The following NRXN3 variants were observed in gnomAD, a reference collection of about 807,000 sequenced individuals.
The protein encoded by NRXN3 is neurexin 3, also known as neurexin III.
Under a neutral mutation model 137.6 loss-of-function variants are expected in NRXN3, and 32 were observed. That is an observed-to-expected ratio of 0.23 (90% CI 0.18 to 0.31). The LOEUF is 0.31. Ranked by LOEUF, NRXN3 falls within the 10% of genes least tolerant of loss-of-function variation. The pLI is 1.00. For synonymous variants in NRXN3, 798 were observed against 784.5 expected, an observed-to-expected ratio of 1.02 and a Z score of -0.29; for missense variants, 1,574 against 2,062.5, an observed-to-expected ratio of 0.76 and a Z score of 4.59.
In NRXN3 at chr14:79,273,618, A is replaced by T. The variant is rs545827878; in HGVS notation, c.3263-193603A>T. The stretch of plus-strand genomic sequence containing the variant: ...CACTGCACTCCAGCCTGGGTGACAG[A>T]GTGAGACTCCGTCTCAAAATAAATA... On this transcript the variant is annotated intron_variant, in intron 15 of 20. Transcript: ENST00000335750. Among the ~76,000 whole-genome samples, 4 of 152,334 alleles carry T rather than the reference A, an allele frequency of 2.6e-5. No individual in the cohort carries two copies. The South Asian group carries it at 8.3e-4, about 32-fold the overall frequency.
chr14:78,956,793 C>G (rs780886309), intron 10 of NRXN3, among the ~76,000 whole-genome samples: 10 of 152,142 alleles, frequency 6.6e-5, no homozygotes, highest in Admixed American at 5.2e-4. Context: ...TTTTCTCGTC[C>G]TATTGGTGGA....
intron 19 of NRXN3, among the ~76,000 whole-genome samples, chr14:79,803,967 G>A (rs1437648339): frequency 4.1e-5 from 6 of 144,622 alleles, no homozygotes; most frequent in Non-Finnish European, 9.0e-5. Flanking sequence ...ACATATATAT[G>A]TATGTATGTA....
At chr14:79,222,234 C>T (rs987860565) in intron 15 of NRXN3, among the ~76,000 whole-genome samples, 19 of 152,170 alleles carry the variant, frequency 1.2e-4, no homozygotes, top group South Asian at 2.1e-4. Context: ...CTTGGCTATA[C>T]GGGCTCTTTT....
Position 78,731,692 on chromosome 14 carries a change from A to G in NRXN3, c.2044+16553A>G, listed in dbSNP as rs57958049. Reference sequence around the variant, plus strand: ...TACTATTTGTGAATACATATATTCTATTCTATATATATATTATTTGGGAGA... The same window carrying G: ...TACTATTTGTGAATACATATATTCTGTTCTATATATATATTATTTGGGAGA... On this transcript the variant is annotated intron_variant, in intron 8 of 20. Coordinates refer to ENST00000335750, the MANE Select transcript of NRXN3 (RefSeq NM_001330195.2). Among the ~76,000 whole-genome samples the G allele has an allele frequency of 9.0e-3, 1,363 of 151,120 alleles. 18 individuals are homozygous for G. Among genetic ancestry groups the G allele is most frequent in the African/African-American group, 0.031 (1,279 of 41,188 alleles).
intron 15 of NRXN3, among the ~76,000 whole-genome samples, chr14:79,285,882 G>A (rs1018388731): frequency 1.1e-4 from 2 of 17,788 alleles, no homozygotes; most frequent in African/African-American, 3.7e-4. Context: ...ACCATCCCCC[G>A]CCCAGTTATT....
intron 8 of NRXN3, among the ~76,000 whole-genome samples, chr14:78,777,664 G>T (rs779479312): frequency 2.0e-5 from 3 of 152,132 alleles, no homozygotes; most frequent in Non-Finnish European, 4.4e-5. Flanking sequence ...TCAAACAATG[G>T]CAACCCCTTC....
At chr14:79,184,725 T>A (rs2153146280) in intron 15 of NRXN3, among the ~76,000 whole-genome samples, 1 of 152,316 alleles carries the variant, frequency 6.6e-6, no homozygotes, top group Admixed American at 6.5e-5. Flanking sequence ...ATGTCATCCT[T>A]GGGACTTCTC....
intron 4 of NRXN3, among the ~76,000 whole-genome samples, chr14:78,604,341 T>C (rs1030448530): frequency 6.6e-6 from 1 of 151,510 alleles, no homozygotes. Context: ...GTTTATTCAC[T>C]CACTTATTTT....
chr14:78,336,258 A>G (rs563898331), intron 4 of NRXN3, among the ~76,000 whole-genome samples: 1 of 152,226 alleles, frequency 6.6e-6, no homozygotes, highest in South Asian at 2.1e-4. Flanking sequence ...GGTTCTTGGA[A>G]TTGGTCTGAT....
intron 15 of NRXN3, among the ~76,000 whole-genome samples, chr14:79,386,721 C>G (rs202187762): frequency 0.016 from 2,488 of 152,122 alleles, 92 homozygotes; most frequent in East Asian, 0.16. Flanking sequence ...GCTACAGTAA[C>G]CAAAACAGCA....
chr14:78,471,405 G>A (rs2153729612), intron 4 of NRXN3, among the ~76,000 whole-genome samples: 1 of 152,046 alleles, frequency 6.6e-6, no homozygotes, highest in Middle Eastern at 3.4e-3. Flanking sequence ...CCGTCAGCAT[G>A]ATTAGGCCTA....
At chr14:79,695,637 G>GAAA (rs10585470) in intron 18 of NRXN3, among the ~76,000 whole-genome samples, 7 of 88,158 alleles carry the variant, frequency 7.9e-5, no homozygotes, top group Admixed American at 1.3e-4. Context: ...AGGGCTTCCA[G>GAAA]AAAAAAAAAA....
intron 15 of NRXN3, among the ~76,000 whole-genome samples, chr14:79,039,030 A>T (rs887660043): frequency 3.3e-5 from 5 of 152,134 alleles, no homozygotes; most frequent in African/African-American, 1.2e-4. Flanking sequence ...ACAAAAACAC[A>T]ACCAGTGTCA....
intron 15 of NRXN3, among the ~76,000 whole-genome samples, chr14:79,345,671 C>T (rs769788650): frequency 1.9e-4 from 29 of 152,084 alleles, no homozygotes; most frequent in Non-Finnish European, 3.7e-4. Context: ...AGTGAATTCT[C>T]CCTCTGAGTC....
intron 8 of NRXN3, among the ~76,000 whole-genome samples, chr14:78,750,592 A>G (rs2098636486): frequency 6.6e-6 from 1 of 152,214 alleles, no homozygotes; most frequent in South Asian, 2.1e-4. Flanking sequence ...TAGACAAAGC[A>G]GAGTAATATT....
rs927610780 is a variant in NRXN3 at position 79,863,473 on chromosome 14, G to A, written c.*1509G>A. On this transcript the variant is annotated 3_prime_UTR_variant, in exon 21 of 21. Coordinates refer to ENST00000335750, the MANE Select transcript of NRXN3 (RefSeq NM_001330195.2). ...AAGCAAACCTTAAAATGTGAAGAAA[G>A]TGTGAATTTTAGTTTTGTCACAGTT... 11 of 152,126 alleles carry A rather than the reference G, an allele frequency of 7.2e-5. No individual in the cohort carries two copies. The highest frequency in any genetic ancestry group is 2.4e-4 in the African/African-American group (10 of 41,324). The allele number at this position is 152,126 out of a possible 1,614,324, so 9.4% of individuals were successfully genotyped here. A position where few individuals can be genotyped will look rare whatever the true frequency, so the allele number is the denominator to read the frequency against.
At chr14:79,016,072 T>G (rs2099578695) in intron 15 of NRXN3, among the ~76,000 whole-genome samples, 1 of 152,158 alleles carries the variant, frequency 6.6e-6, no homozygotes, top group Non-Finnish European at 1.5e-5. Flanking sequence ...CATGGCCCCT[T>G]GTGCCCTTTA....
chr14:79,616,042 T>A (rs2098151410), intron 16 of NRXN3, among the ~76,000 whole-genome samples: 1 of 152,108 alleles, frequency 6.6e-6, no homozygotes. Context: ...AATACAGAAC[T>A]TGATCATTGA....
chr14:78,449,455 C>A (rs369294890), intron 4 of NRXN3, among the ~76,000 whole-genome samples: 1 of 152,244 alleles, frequency 6.6e-6, no homozygotes, highest in East Asian at 1.9e-4. Flanking sequence ...CCCAAGTGAT[C>A]CACCTGCCTT....
Sources: gnomAD v4.1 joint callset for allele counts (sites outside exome capture counted in the v4.1 genomes callset) on GRCh38, gnomAD v4.1.1 for gene constraint, MANE v1.5 for transcripts, NCBI Gene and HGNC (gene_info 2026-07-23, HGNC 2026-07-21) for gene names.